ASCC1: variants seen among roughly 807,000 people sequenced by gnomAD.
ASCC1 encodes activating signal cointegrator 1 complex subunit 1.
A neutral mutation model predicts 46.6 loss-of-function variants in ASCC1; 35 were observed. That is an observed-to-expected ratio of 0.75 (90% confidence interval 0.57 to 0.99). The LOEUF (loss-of-function observed/expected upper bound fraction) is 0.99, where lower values mean the gene tolerates loss of function less well. ASCC1 is among the 50% of genes least tolerant of loss of function. The pLI is 0.00. For missense variants in ASCC1, 376 were observed against 428.7 expected (o/e 0.88, Z 1.09); for synonymous variants, 143 against 146.6 (o/e 0.98, Z 0.18).
chr10:72,193,171 A>G (rs1034471861), intron 5 of ASCC1, among the ~76,000 whole-genome samples: 1 of 152,340 alleles, frequency 6.6e-6, no homozygotes, highest in Admixed American at 6.5e-5. Flanking sequence ...AGGTTCGCAC[A>G]AAAACCCATA....
At chr10:72,205,859 C>G (rs1165041416) in intron 3 of ASCC1, among the ~76,000 whole-genome samples, 2 of 151,308 alleles carry the variant, frequency 1.3e-5, no homozygotes, top group African/African-American at 2.4e-5. Context: ...GCCTGTAATC[C>G]CAGGGAGGCC....
At chr10:72,191,793 C>A (rs1053487802) in intron 5 of ASCC1, among the ~76,000 whole-genome samples, 8 of 151,796 alleles carry the variant, frequency 5.3e-5, no homozygotes, top group Admixed American at 1.3e-4. Flanking sequence ...ATTACAGGTG[C>A]CCGCCACCAT....
intron 5 of ASCC1, among the ~76,000 whole-genome samples, chr10:72,196,203 T>C (rs1413630278): frequency 6.6e-6 from 1 of 152,082 alleles, no homozygotes; most frequent in Non-Finnish European, 1.5e-5. Context: ...CTACAGATAA[T>C]GGCATCTCAT....
At chr10:72,190,937 C>T (rs1371896192) in intron 5 of ASCC1, among the ~76,000 whole-genome samples, 3 of 137,244 alleles carry the variant, frequency 2.2e-5, no homozygotes, top group East Asian at 4.4e-4. Flanking sequence ...CGGAGGTTGC[C>T]GTGAGCCAAG....
Position 72,196,929 on chromosome 10 carries a change from A to G in ASCC1, c.371T>C (p.Leu124Ser). ...GGGCTGCTTTCTTCGAAAAGTGTCC[A>G]AAAGAACATCAATCCGTGTTCGGGC... ...ISARTRIDVL[L>S]DTFRRKQPFT... Residue 124 changes from leucine (L) to serine (S), a missense_variant, in exon 5 of 10, where the codon TTG (leucine) becomes TCG (serine). Coordinates refer to ENST00000672957, the MANE Select transcript of ASCC1 (RefSeq NM_001198800.3). 1 of 1,613,740 alleles carries G rather than the reference A, an allele frequency of 6.2e-7. No homozygotes were observed. Among genetic ancestry groups the G allele is most frequent in the Non-Finnish European group, 8.5e-7 (1 of 1,180,018 alleles).
chr10:72,146,761 A>G (rs1251470589), intron 7 of ASCC1, among the ~76,000 whole-genome samples: 3 of 152,166 alleles, frequency 2.0e-5, no homozygotes, highest in Non-Finnish European at 4.4e-5. Flanking sequence ...AACAAATCTG[A>G]TCTAAGTGGT....
At chr10:72,215,474 C>T (rs1446036670) in intron 1 of ASCC1, among the ~76,000 whole-genome samples, 1 of 152,100 alleles carries the variant, frequency 6.6e-6, no homozygotes, top group Non-Finnish European at 1.5e-5. Context: ...GAAATAACAA[C>T]ACAGAAGGTA....
chr10:72,166,268 A>G (rs1589427884), intron 5 of ASCC1, among the ~76,000 whole-genome samples: 2 of 152,152 alleles, frequency 1.3e-5, no homozygotes, highest in South Asian at 4.1e-4. Flanking sequence ...CTGAGAATAA[A>G]AAGAATCTCA....
chr10:72,109,232 ATTAGG>A (rs1300934883), intron 9 of ASCC1, among the ~76,000 whole-genome samples: 1 of 152,148 alleles, frequency 6.6e-6, no homozygotes. Flanking sequence ...CGTGGCCTCT[ATTAGG>A]AGAGCAGCAA....
chr10:72,180,555 G>C (rs901474490), intron 5 of ASCC1, among the ~76,000 whole-genome samples: 2 of 152,042 alleles, frequency 1.3e-5, no homozygotes, highest in African/African-American at 4.8e-5. Flanking sequence ...GAACTCAGGA[G>C]GCGGAGGTTG....
At position 72,147,385 on chromosome 10, in the gene ASCC1, C is replaced by G. The variant is rs574049272; in HGVS notation, c.746+5484G>C. Among the ~76,000 whole-genome samples the G allele has an allele frequency of 1.4e-4, 21 of 152,152 alleles. 1 individual carries two copies. On this transcript the variant is annotated intron_variant, in intron 7 of 9. Coordinates refer to ENST00000672957, the MANE Select transcript of ASCC1 (RefSeq NM_001198800.3). ...TCTCCTGCCTCAGCCTCCCGAGCAG[C>G]TGCGTTACAGGCATGAGCCACCACA...
At chr10:72,107,821 C>G (rs140525191) in intron 9 of ASCC1, among the ~76,000 whole-genome samples, 262 of 152,270 alleles carry the variant, frequency 1.7e-3, no homozygotes, top group Admixed American at 3.3e-3. Flanking sequence ...TTATGTGAGT[C>G]ACTTAAACTT....
At chr10:72,115,592 A>C (rs537351548) in intron 9 of ASCC1, among the ~76,000 whole-genome samples, 1 of 152,362 alleles carries the variant, frequency 6.6e-6, no homozygotes, top group South Asian at 2.1e-4. Context: ...AGCCAAGAGA[A>C]GAAAGCATTT....
intron 7 of ASCC1, among the ~76,000 whole-genome samples, chr10:72,150,296 A>G (rs1848175995): frequency 6.6e-6 from 1 of 152,090 alleles, no homozygotes; most frequent in African/African-American, 2.4e-5. Context: ...ATGAAATGAG[A>G]TAAGACACCA....
chr10:72,179,942 TA>T (rs1852351607), intron 5 of ASCC1, among the ~76,000 whole-genome samples: 1 of 151,932 alleles, frequency 6.6e-6, no homozygotes, highest in South Asian at 2.1e-4. Context: ...CAACTATTTT[TA>T]AAAAAACATA....
At chr10:72,199,559 G>T (rs956236612) in intron 4 of ASCC1, among the ~76,000 whole-genome samples, 3 of 151,976 alleles carry the variant, frequency 2.0e-5, no homozygotes, top group Non-Finnish European at 4.4e-5. Context: ...GCCTCCCAAA[G>T]TGCTGGGATT....
chr10:72,150,245 T>C (rs1848167982), intron 7 of ASCC1, among the ~76,000 whole-genome samples: 1 of 151,974 alleles, frequency 6.6e-6, no homozygotes, highest in Admixed American at 6.6e-5. Context: ...TATGCCATTC[T>C]ATACCATTTT....
intron 6 of ASCC1, among the ~76,000 whole-genome samples, chr10:72,154,723 C>G (rs1848746955): frequency 6.6e-6 from 1 of 152,144 alleles, no homozygotes; most frequent in South Asian, 2.1e-4. Context: ...AACTCCTGGG[C>G]TGAAGACATC....
chr10:72,151,952 G>A (rs1337371984), intron 7 of ASCC1, among the ~76,000 whole-genome samples: 2 of 149,440 alleles, frequency 1.3e-5, no homozygotes, highest in Non-Finnish European at 3.0e-5. Context: ...GTCTCCCAAG[G>A]CACTGGGATT....
Sources: allele counts gnomAD v4.1 joint callset (sites outside exome capture counted in the v4.1 genomes callset), GRCh38; gene constraint gnomAD v4.1.1; transcripts MANE v1.5; gene names NCBI Gene and HGNC (gene_info 2026-07-23, HGNC 2026-07-21).